Variants in SGK1 observed in about 807,000 individuals in gnomAD.
SGK1 encodes serum/glucocorticoid regulated kinase 1, also known as serine/threonine-protein kinase Sgk1.
A neutral mutation model predicts 64.2 loss-of-function variants in SGK1; 26 were observed. The ratio of observed to expected loss-of-function variants is 0.40; its 90% confidence interval spans 0.30 to 0.56. SGK1 has a LOEUF of 0.56. Ranked by LOEUF, SGK1 falls within the 20% of genes least tolerant of loss-of-function variation. SGK1 has a pLI of 0.38. For synonymous variants in SGK1, 265 were observed against 239.7 expected, an observed-to-expected ratio of 1.11 and a Z score of -0.98; for missense variants, 519 against 645.6, an observed-to-expected ratio of 0.80 and a Z score of 2.12.
At chr6:134,298,608 C>T in intron 1 of SGK1, 1 of 1,093,478 alleles carries the variant, frequency 9.1e-7, no homozygotes, top group Non-Finnish European at 1.4e-6. Flanking sequence ...GATGCAGGTA[C>T]TGGGCCCACT....
At chr6:134,171,898 T>C (rs1329301879) in intron 10 of SGK1, 166 bp from the exon 11 acceptor site, 12 of 622,974 alleles carry the variant, frequency 1.9e-5, no homozygotes, top group Non-Finnish European at 3.4e-5. Context: ...GGTGACTGGC[T>C]ACCTATGTGT....
intron 3 of SGK1, among the ~76,000 whole-genome samples, chr6:134,194,635 C>A (rs1304441567): frequency 1.3e-5 from 2 of 151,704 alleles, no homozygotes; most frequent in Non-Finnish European, 1.5e-5. Context: ...GATTCTCCTG[C>A]CTCAGTCTCC....
chr6:134,219,822 G>A (rs1420350103), intron 2 of SGK1, among the ~76,000 whole-genome samples: 9 of 149,208 alleles, frequency 6.0e-5, no homozygotes, highest in Non-Finnish European at 8.9e-5. Context: ...CACTTTGGGA[G>A]GCCGAGGCGG....
At chr6:134,174,275 G>A (rs1478386435) in intron 4 of SGK1, 195 bp from the exon 5 acceptor site, 1 of 604,678 alleles carries the variant, frequency 1.7e-6, no homozygotes, top group African/African-American at 1.9e-5. Flanking sequence ...GTTGCTCATG[G>A]AGAAAGGCCG....
intron 3 of SGK1, among the ~76,000 whole-genome samples, chr6:134,186,798 A>G (rs1307632802): frequency 1.3e-5 from 2 of 151,894 alleles, no homozygotes; most frequent in African/African-American, 4.8e-5. Flanking sequence ...TGTATTTCAG[A>G]CATACACTTC....
At chr6:134,224,446 A>C (rs1236991001) in intron 2 of SGK1, among the ~76,000 whole-genome samples, 1 of 152,166 alleles carries the variant, frequency 6.6e-6, no homozygotes, top group Non-Finnish European at 1.5e-5. Flanking sequence ...ACTTCTGGGA[A>C]GTTAAGAATA....
At chr6:134,189,731 T>C (rs978086234) in intron 3 of SGK1, among the ~76,000 whole-genome samples, 6 of 152,268 alleles carry the variant, frequency 3.9e-5, no homozygotes, top group Non-Finnish European at 5.9e-5. Context: ...TACCTTATTA[T>C]ATACTGACAT....
chr6:134,246,013 G>A (rs539723733), intron 2 of SGK1, among the ~76,000 whole-genome samples: 1 of 152,220 alleles, frequency 6.6e-6, no homozygotes. Context: ...TTAATGAACA[G>A]GCTTGGATTA....
In SGK1 at chr6:134,269,629, G is replaced by C; in HGVS notation, c.70-7481C>G. ...GCCAAGATCGTGCCACTGCACTCCA[G>C]CCTGGATGAAAGAGTGAGACTCTGT... On this transcript the variant is annotated intron_variant, in intron 1 of 13. Transcript: ENST00000367858. Among the ~76,000 whole-genome samples the C allele has an allele frequency of 1.4e-5, 2 of 144,630 alleles. 1 individual carries two copies. Among genetic ancestry groups the C allele is most frequent in the Non-Finnish European group, 3.0e-5 (2 of 65,680 alleles). 94.9% of individuals were successfully genotyped at this position (144,630 alleles called of 152,430 possible).
At chr6:134,269,839 T>A (rs866842987) in intron 1 of SGK1, among the ~76,000 whole-genome samples, 3 of 148,056 alleles carry the variant, frequency 2.0e-5, no homozygotes, top group Non-Finnish European at 3.0e-5. Context: ...TCCTAAAATA[T>A]AACAGTGCTG....
intron 2 of SGK1, chr6:134,260,374 A>ACCAC (rs1554225480): frequency 1.8e-5 from 2 of 113,210 alleles, no homozygotes; most frequent in Admixed American, 1.0e-4. Flanking sequence ...CCCGACCCCC[A>ACCAC]CCCCCCCCAA....
chr6:134,174,535 G>A lies in SGK1; in HGVS notation c.413C>T (p.Ala138Val), dbSNP rs763520267. The change falls in exon 4 of 14, where the codon GCC becomes GTC. Residue 138 changes from alanine to valine, a missense_variant. Transcript: ENST00000367858. ...CTGTTTGCATGCATAGGAGTTATTG[G>A]CAATCTTCTGAATAAAGTCGTTCAG... The part of the protein sequence containing the change: ...MGLNDFIQKI[A>V]NNSYACKHPE... 1 of 1,613,262 alleles carries A rather than the reference G, an allele frequency of 6.2e-7. No individual in the cohort carries two copies. The highest frequency in any genetic ancestry group is 1.3e-5 in the African/African-American group (1 of 74,876).
intron 11 of SGK1, 54 bp downstream of exon 11, chr6:134,171,583 A>C: frequency 7.8e-7 from 1 of 1,281,912 alleles, no homozygotes; most frequent in Non-Finnish European, 1.1e-6. Context: ...GGCTGTGTGA[A>C]GGCAATATTG....
intron 1 of SGK1, among the ~76,000 whole-genome samples, chr6:134,313,047 A>G (rs1299884231): frequency 1.3e-5 from 2 of 152,320 alleles, no homozygotes; most frequent in African/African-American, 2.4e-5. Context: ...TTCTGGCATT[A>G]CAGGCGTGAG....
chr6:134,273,549 C>T (rs1467364170), intron 1 of SGK1, among the ~76,000 whole-genome samples: 5 of 130,310 alleles, frequency 3.8e-5, no homozygotes, highest in East Asian at 2.6e-4. Flanking sequence ...GCCGAGATCC[C>T]GCCACTGCAC....
chr6:134,172,885 T>C, intron 8 of SGK1, 111 bp from the exon 9 acceptor site: 1 of 1,245,204 alleles, frequency 8.0e-7, no homozygotes, highest in Non-Finnish European at 1.2e-6. Context: ...CTATTAACTA[T>C]AAACCTGACA....
At chr6:134,257,634 C>T (rs898312383) in intron 2 of SGK1, among the ~76,000 whole-genome samples, 6 of 151,824 alleles carry the variant, frequency 4.0e-5, no homozygotes, top group African/African-American at 9.7e-5. Flanking sequence ...GGATCTCAGA[C>T]GAAAAAGGGA....
intron 1 of SGK1, among the ~76,000 whole-genome samples, chr6:134,315,867 C>A (rs542383162): frequency 6.6e-6 from 1 of 152,028 alleles, no homozygotes; most frequent in African/African-American, 2.4e-5. Flanking sequence ...TAGCAAGACC[C>A]CGTCTCTAAA....
chr6:134,225,518 T>C (rs1776161680), intron 2 of SGK1, among the ~76,000 whole-genome samples: 1 of 152,148 alleles, frequency 6.6e-6, no homozygotes, highest in African/African-American at 2.4e-5. Flanking sequence ...CAATCTGCTA[T>C]TGAGGTTTCC....
Sources: allele counts gnomAD v4.1 joint callset (sites outside exome capture counted in the v4.1 genomes callset), GRCh38; gene constraint gnomAD v4.1.1; transcripts MANE v1.5; gene names NCBI Gene and HGNC (gene_info 2026-07-23, HGNC 2026-07-21).